The following SUSD5 variants were observed in gnomAD, a reference collection of about 807,000 sequenced individuals.
SUSD5 encodes sushi domain containing 5.
In SUSD5, 33 loss-of-function variants were observed where a neutral mutation model predicts 29.5. That is an observed-to-expected ratio of 1.12 (90% confidence interval 0.85 to 1.49). The LOEUF (loss-of-function observed/expected upper bound fraction) is 1.49. SUSD5 is among the 40% of genes most tolerant of loss of function. SUSD5 has a pLI of 0.00. For synonymous variants in SUSD5, 308 were observed against 325.3 expected (o/e 0.95, Z 0.57); for missense variants, 776 against 800.6 (o/e 0.97, Z 0.37).
chr3:33,194,512 C>A (rs2031957800), intron 3 of SUSD5, among the ~76,000 whole-genome samples: 1 of 152,044 alleles, frequency 6.6e-6, no homozygotes, highest in Non-Finnish European at 1.5e-5. Context: ...CAGACATATA[C>A]AAAGAAAACC....
rs1336041806 is a variant in SUSD5 at position 33,218,719 on chromosome 3, G to C, written c.79C>G (p.Leu27Val). Residue 27 changes from leucine (L) to valine (V), a missense_variant, in exon 1 of 5, where the codon CTC becomes GTC. Transcript: ENST00000309558. ...CGCACCGAAAGGCGCGGCAGACCGA[G>C]CAGGAGCAGCGCCGCCGCCCAGAGC... ...PGLWAAALLL[L>V]GLPRLSVRAD... 1 of 1,340,292 alleles carries C rather than the reference G, an allele frequency of 7.5e-7. No homozygotes were observed. Among genetic ancestry groups the C allele is most frequent in the Non-Finnish European group, 9.5e-7 (1 of 1,049,990 alleles). The allele number at this position is 1,340,292 out of a possible 1,614,324, so 83.0% of individuals were successfully genotyped here. A position where few individuals can be genotyped will look rare whatever the true frequency, so the allele number is the denominator to read the frequency against.
rs2030910271 is a variant in SUSD5 at position 33,152,064 on chromosome 3, A to G, written c.*678T>C. The G allele has an allele frequency of 6.6e-6, 1 of 152,156 alleles. No homozygotes were observed. Among genetic ancestry groups the G allele is most frequent in the African/African-American group, 2.4e-5 (1 of 41,398 alleles). The allele number at this position is 152,156 out of a possible 1,614,324, so 9.4% of individuals were successfully genotyped here. On this transcript the variant is annotated 3_prime_UTR_variant, in exon 5 of 5. Transcript: ENST00000309558. ...ATGTCCTAGATAATACTGCTCTCAT[A>G]CACTTGGTTTATCATGACTATTTAT...
At chr3:33,201,899 C>T (rs184952355) in intron 3 of SUSD5, among the ~76,000 whole-genome samples, 1 of 152,192 alleles carries the variant, frequency 6.6e-6, no homozygotes, top group African/African-American at 2.4e-5. Context: ...ATCCCCTCAA[C>T]TTATCCATCT....
At chr3:33,195,181 T>A (rs1303352933) in intron 3 of SUSD5, among the ~76,000 whole-genome samples, 1 of 152,104 alleles carries the variant, frequency 6.6e-6, no homozygotes, top group Non-Finnish European at 1.5e-5. Flanking sequence ...GGGGACAGAG[T>A]GAGACTCTGT....
At position 33,207,799 on chromosome 3, in the gene SUSD5, G is replaced by T; in HGVS notation, c.409+9C>A. 1 of 1,592,370 alleles carries T rather than the reference G, an allele frequency of 6.3e-7. No individual in the cohort carries two copies. The highest frequency in any genetic ancestry group is 8.6e-7 in the Non-Finnish European group (1 of 1,161,944). On this transcript the variant is annotated intron_variant, in intron 3 of 4. Coordinates refer to ENST00000309558, the MANE Select transcript of SUSD5 (RefSeq NM_015551.2). ...CCTCCAGCACCTTTAAGAAGACTCT[G>T]GCACTGACCTTCATCCTTAATACAA... is the stretch of plus-strand genomic sequence containing the variant.
In SUSD5 at chr3:33,181,702, G is replaced by A. The variant is rs188569631; in HGVS notation, c.410-6628C>T. ...TTTTGTTTGTTTTACCTTTTATACT[G>A]TATTTTTACTGTACCTTTTCTATGT... On this transcript the variant is annotated intron_variant, in intron 3 of 4. Transcript: ENST00000309558. 1.1e-4 allele frequency among the ~76,000 whole-genome samples: 16 copies of A among 152,164 alleles called. 1 individual carries two copies. The East Asian group carries it at 3.1e-3, about 29-fold the overall frequency.
chr3:33,209,719 T>G (rs2032288362), intron 2 of SUSD5, among the ~76,000 whole-genome samples: 1 of 151,852 alleles, frequency 6.6e-6, no homozygotes, highest in African/African-American at 2.4e-5. Context: ...ATGTCTAGAC[T>G]GTATTTAAAC....
chr3:33,153,717 C>T lies in SUSD5; in HGVS notation c.915G>A (p.Gly305=), dbSNP rs369806642. 163 of 1,613,940 alleles carry T rather than the reference C, an allele frequency of 1.0e-4. No homozygotes were observed. The highest frequency in any genetic ancestry group is 1.3e-4 in the Non-Finnish European group (156 of 1,179,894). The change falls in exon 5 of 5, where the codon GGG becomes GGA. Residue 305 remains glycine, a synonymous_variant. Coordinates refer to ENST00000309558, the MANE Select transcript of SUSD5 (RefSeq NM_015551.2). ...WFPAEAFHKP[G]LEKEVDDDTK... is the part of the protein sequence containing the mutation. ...TGTCATCATCCACCTCCTTTTCCAA[C>T]CCAGGCTTGTGGAAAGCCTCAGCAG...
At chr3:33,171,675 T>C (rs908873398) in intron 4 of SUSD5, among the ~76,000 whole-genome samples, 7 of 152,182 alleles carry the variant, frequency 4.6e-5, no homozygotes, top group Non-Finnish European at 1.0e-4. Flanking sequence ...TATTCCTGTA[T>C]GCACTGCAGC....
intron 4 of SUSD5, among the ~76,000 whole-genome samples, chr3:33,161,091 G>C (rs2031178815): frequency 1.3e-5 from 2 of 152,186 alleles, no homozygotes; most frequent in African/African-American, 4.8e-5. Context: ...AAATGTCATA[G>C]ATGGAAGCTC....
At chr3:33,154,789 T>C (rs183911535) in intron 4 of SUSD5, among the ~76,000 whole-genome samples, 13 of 152,270 alleles carry the variant, frequency 8.5e-5, no homozygotes, top group Admixed American at 1.3e-4. Context: ...CTTAAATGAA[T>C]GGAGGAATAG....
chr3:33,186,233 T>C (rs1479503447), intron 3 of SUSD5, among the ~76,000 whole-genome samples: 4 of 149,132 alleles, frequency 2.7e-5, no homozygotes, highest in East Asian at 2.0e-4. Context: ...ACCCGGGAGG[T>C]GGAGCTTGCA....
At chr3:33,192,466 T>C (rs894294761) in intron 3 of SUSD5, among the ~76,000 whole-genome samples, 3 of 152,068 alleles carry the variant, frequency 2.0e-5, no homozygotes, top group African/African-American at 7.2e-5. Context: ...AATACTTCTC[T>C]ATTGTGGTCT....
At chr3:33,171,333 G>A (rs1005459555) in intron 4 of SUSD5, among the ~76,000 whole-genome samples, 12 of 147,766 alleles carry the variant, frequency 8.1e-5, no homozygotes, top group African/African-American at 3.0e-4. Flanking sequence ...GCGACAGAGC[G>A]AGACTCCTTC....
chr3:33,190,056 C>T (rs559575764), intron 3 of SUSD5, among the ~76,000 whole-genome samples: 2 of 152,284 alleles, frequency 1.3e-5, no homozygotes, highest in Admixed American at 1.3e-4. Context: ...AAAAACTGAA[C>T]GTACTCATTT....
At chr3:33,203,270 G>C (rs896533578) in intron 3 of SUSD5, among the ~76,000 whole-genome samples, 1 of 152,202 alleles carries the variant, frequency 6.6e-6, no homozygotes, top group African/African-American at 2.4e-5. Flanking sequence ...CAGAGGGACA[G>C]GGATAGAACT....
intron 3 of SUSD5, among the ~76,000 whole-genome samples, chr3:33,191,494 C>A (rs1414649377): frequency 6.6e-6 from 1 of 151,890 alleles, no homozygotes; most frequent in African/African-American, 2.4e-5. Flanking sequence ...GTTACTGAGC[C>A]CTCAGAGCAT....
At chr3:33,177,232 C>G (rs939104746) in intron 3 of SUSD5, among the ~76,000 whole-genome samples, 1 of 152,094 alleles carries the variant, frequency 6.6e-6, no homozygotes, top group African/African-American at 2.4e-5. Context: ...CAATGGAACA[C>G]GAGGCATAAA....
At position 33,195,024 on chromosome 3, in the gene SUSD5, G is replaced by A. The variant is rs998541496; in HGVS notation, c.409+12784C>T. Reference sequence around the variant, plus strand: ...AGCCTGGCCAACATGGCAAAACCCCGTCTCTACTAAAAATACAAAAATTAG... The same window carrying A: ...AGCCTGGCCAACATGGCAAAACCCCATCTCTACTAAAAATACAAAAATTAG... On this transcript the variant is annotated intron_variant, in intron 3 of 4. Transcript: ENST00000309558. Among the ~76,000 whole-genome samples the A allele has an allele frequency of 1.8e-4, 28 of 152,150 alleles. No individual in the cohort carries two copies. In the East Asian group the frequency reaches 2.5e-3, roughly 14 times the overall value.
Sources: gnomAD v4.1 joint callset for allele counts (sites outside exome capture counted in the v4.1 genomes callset) on GRCh38, gnomAD v4.1.1 for gene constraint, MANE v1.5 for transcripts, NCBI Gene and HGNC (gene_info 2026-07-23, HGNC 2026-07-21) for gene names.